FSTL5: variants seen among roughly 807,000 people sequenced by gnomAD.
FSTL5 encodes follistatin like 5.
A neutral mutation model predicts 89.1 loss-of-function variants in FSTL5; 62 were observed. The observed-to-expected ratio is 0.70, with a 90% CI of 0.57 to 0.86. The LOEUF (loss-of-function observed/expected upper bound fraction) is 0.86. Ranked by LOEUF, FSTL5 falls within the 40% of genes least tolerant of loss-of-function variation. FSTL5 has a pLI of 0.00. For missense variants in FSTL5, 1,057 were observed against 1,001.6 expected (o/e 1.06, Z -0.75); for synonymous variants, 383 against 346.2 (o/e 1.11, Z -1.18).
chr4:161,692,799 C>T (rs958448805), intron 6 of FSTL5, among the ~76,000 whole-genome samples: 18 of 152,246 alleles, frequency 1.2e-4, no homozygotes, highest in African/African-American at 4.1e-4. Context: ...TCTCGGCTCA[C>T]TGCAACCTCC....
intron 1 of FSTL5, among the ~76,000 whole-genome samples, chr4:162,147,938 G>C (rs1485840872): frequency 6.6e-6 from 1 of 152,152 alleles, no homozygotes; most frequent in Non-Finnish European, 1.5e-5. Context: ...CCAGGAGACA[G>C]AGGTTGCAGT....
intron 13 of FSTL5, among the ~76,000 whole-genome samples, chr4:161,476,513 A>G (rs149643009): frequency 4.2e-4 from 64 of 151,714 alleles, no homozygotes; most frequent in African/African-American, 1.0e-3. Flanking sequence ...TTTAATTGCA[A>G]TTTTTGCTTT....
chr4:162,030,295 T>C (rs1233654534), intron 3 of FSTL5, among the ~76,000 whole-genome samples: 1 of 152,068 alleles, frequency 6.6e-6, no homozygotes, highest in Non-Finnish European at 1.5e-5. Context: ...ATAATATGTA[T>C]TTGAAGATTA....
At chr4:161,875,327 C>T (rs189170191) in intron 4 of FSTL5, among the ~76,000 whole-genome samples, 10 of 152,214 alleles carry the variant, frequency 6.6e-5, no homozygotes, top group African/African-American at 2.4e-4. Flanking sequence ...AGGCTGATTG[C>T]GGGTAGAGTC....
chr4:161,593,738 G>A (rs1444990445), intron 7 of FSTL5, among the ~76,000 whole-genome samples: 1 of 151,994 alleles, frequency 6.6e-6, no homozygotes, highest in African/African-American at 2.4e-5. Flanking sequence ...AGCTCCCAGA[G>A]GAAATTGTCA....
At chr4:161,536,161 G>T (rs1209381254) in intron 10 of FSTL5, among the ~76,000 whole-genome samples, 1 of 151,934 alleles carries the variant, frequency 6.6e-6, no homozygotes, top group African/African-American at 2.4e-5. Context: ...TGGATGATGT[G>T]ATCACTTGTA....
At chr4:161,680,511 C>G (rs1380434924) in intron 6 of FSTL5, among the ~76,000 whole-genome samples, 1 of 151,900 alleles carries the variant, frequency 6.6e-6, no homozygotes, top group Non-Finnish European at 1.5e-5. Context: ...TAACTTTTCT[C>G]TTTTTGTTCG....
At chr4:161,601,043 AT>A (rs955517547) in intron 7 of FSTL5, among the ~76,000 whole-genome samples, 46 of 152,292 alleles carry the variant, frequency 3.0e-4, no homozygotes, top group African/African-American at 7.5e-4. Context: ...TACAAAAAAA[AT>A]CATCTAATTT....
chr4:161,978,784 CTAT>C (rs1483134627), intron 3 of FSTL5, among the ~76,000 whole-genome samples: 1 of 151,968 alleles, frequency 6.6e-6, no homozygotes, highest in Admixed American at 6.6e-5. Context: ...CTAGATTTGC[CTAT>C]TGTTATCTCA....
At chr4:161,522,359 T>C (rs1348191263) in intron 10 of FSTL5, among the ~76,000 whole-genome samples, 1 of 152,094 alleles carries the variant, frequency 6.6e-6, no homozygotes, top group East Asian at 1.9e-4. Context: ...CCTTCTGATA[T>C]CACAGAGACT....
At chr4:162,019,986 G>A (rs940771849) in intron 3 of FSTL5, among the ~76,000 whole-genome samples, 51 of 149,194 alleles carry the variant, frequency 3.4e-4, no homozygotes, top group Non-Finnish European at 6.3e-4. Flanking sequence ...TTCAGAAACT[G>A]CAATTTGATT....
chr4:162,071,406 TATATA>T (rs1293386916), intron 2 of FSTL5, among the ~76,000 whole-genome samples: 2 of 151,680 alleles, frequency 1.3e-5, no homozygotes, highest in African/African-American at 4.8e-5. Flanking sequence ...AAAAAGGTAT[TATATA>T]ATAATATAGG....
intron 7 of FSTL5, among the ~76,000 whole-genome samples, chr4:161,634,403 A>T (rs990913550): frequency 6.6e-6 from 1 of 152,204 alleles, no homozygotes; most frequent in African/African-American, 2.4e-5. Flanking sequence ...TATCCTAAGG[A>T]AGTGAAATCA....
At chr4:161,682,632 G>C (rs949237057) in intron 6 of FSTL5, among the ~76,000 whole-genome samples, 5 of 151,990 alleles carry the variant, frequency 3.3e-5, no homozygotes, top group Non-Finnish European at 7.4e-5. Context: ...TTCACATCTT[G>C]TCCCACTGGA....
intron 4 of FSTL5, among the ~76,000 whole-genome samples, chr4:161,882,322 C>G (rs1732659396): frequency 6.6e-6 from 1 of 152,052 alleles, no homozygotes; most frequent in Admixed American, 6.6e-5. Context: ...AGGATTTTCT[C>G]AAATCATTGC....
At chr4:162,033,573 T>C (rs1737618236) in intron 3 of FSTL5, 52 bp downstream of exon 3, 1 of 946,592 alleles carries the variant, frequency 1.1e-6, no homozygotes, top group Non-Finnish European at 1.6e-6. Context: ...ATATCTTTTT[T>C]CTTTCTGTTA....
At chr4:161,919,420 T>C (rs760537982) in intron 4 of FSTL5, among the ~76,000 whole-genome samples, 1 of 152,218 alleles carries the variant, frequency 6.6e-6, no homozygotes, top group Non-Finnish European at 1.5e-5. Flanking sequence ...ATGGAAATAA[T>C]ATTGTGTTAG....
At chr4:161,429,957 G>A (rs1171968166) in intron 15 of FSTL5, among the ~76,000 whole-genome samples, 1 of 152,220 alleles carries the variant, frequency 6.6e-6, no homozygotes, top group Non-Finnish European at 1.5e-5. Context: ...TCATTCAAAA[G>A]AGCTGTTTTG....
chr4:161,869,080 G>C (rs1686836732), intron 4 of FSTL5, among the ~76,000 whole-genome samples: 1 of 152,050 alleles, frequency 6.6e-6, no homozygotes, highest in African/African-American at 2.4e-5. Context: ...GGCACCTGTA[G>C]TACCAGCTAC....
Sources: allele counts gnomAD v4.1 joint callset (sites outside exome capture counted in the v4.1 genomes callset), GRCh38; gene constraint gnomAD v4.1.1; transcripts MANE v1.5; gene names NCBI Gene and HGNC (gene_info 2026-07-23, HGNC 2026-07-21).